The following GATA4 variants were observed in gnomAD, a reference collection of about 807,000 sequenced individuals.
GATA4 encodes the protein transcription factor GATA-4.
GATA4 carries 7 observed loss-of-function variants against 37.9 expected under a neutral mutation model. The observed-to-expected ratio is 0.18, with a 90% CI of 0.11 to 0.35. GATA4 has a LOEUF of 0.35. Ranked by LOEUF, GATA4 falls within the 10% of genes least tolerant of loss-of-function variation. The pLI, the probability that GATA4 is intolerant of heterozygous loss-of-function variation, is 1.00. For missense variants in GATA4, 647 were observed against 653.0 expected, an observed-to-expected ratio of 0.99 and a Z score of 0.10; for synonymous variants, 372 against 292.6, an observed-to-expected ratio of 1.27 and a Z score of -2.77.
intron 2 of GATA4, among the ~76,000 whole-genome samples, chr8:11,724,709 T>C (rs1452795059): frequency 6.7e-6 from 1 of 148,892 alleles, no homozygotes; most frequent in Non-Finnish European, 1.5e-5. Flanking sequence ...TAGGGACACA[T>C]GCACAAAGAA....
At chr8:11,725,687 C>T (rs528235101) in intron 2 of GATA4, among the ~76,000 whole-genome samples, 4 of 152,344 alleles carry the variant, frequency 2.6e-5, no homozygotes, top group African/African-American at 9.6e-5. Context: ...GCCTGCCTGT[C>T]GTGGCAGGGA....
intron 1 of GATA4, among the ~76,000 whole-genome samples, chr8:11,686,506 A>G (rs1365928432): frequency 1.3e-5 from 2 of 152,158 alleles, no homozygotes; most frequent in Non-Finnish European, 2.9e-5. Context: ...AATTTTCTGA[A>G]GACTGGAGGC....
In GATA4 at chr8:11,733,918, G is replaced by A. The variant is rs536472529; in HGVS notation, c.617-14998G>A. ...ACACAGAGGCATTAAGAGCCATTAC[G>A]TGGTTCTGTCATTACTTTTTGCCCC... On this transcript the variant is annotated intron_variant, in intron 2 of 6. Coordinates refer to ENST00000532059, the MANE Select transcript of GATA4 (RefSeq NM_001308093.3). 5.9e-5 allele frequency among the ~76,000 whole-genome samples: 9 copies of A among 152,306 alleles called. 1 individual carries two copies. Among genetic ancestry groups the A allele is most frequent in the African/African-American group, 1.9e-4 (8 of 41,558 alleles).
upstream of GATA4, among the ~76,000 whole-genome samples, chr8:11,689,429 G>A (rs1799242843): frequency 6.6e-6 from 1 of 152,152 alleles, no homozygotes; most frequent in South Asian, 2.1e-4. Context: ...CAGGCATCCA[G>A]GACATTGGAT....
At chr8:11,753,886 C>T (rs948864849) in intron 4 of GATA4, among the ~76,000 whole-genome samples, 2 of 152,182 alleles carry the variant, frequency 1.3e-5, no homozygotes, top group Non-Finnish European at 2.9e-5. Context: ...AAAGATTTGG[C>T]TCAGCCTAAG....
upstream of GATA4, among the ~76,000 whole-genome samples, chr8:11,701,869 G>T (rs959222238): frequency 6.6e-6 from 1 of 152,034 alleles, no homozygotes; most frequent in African/African-American, 2.4e-5. Flanking sequence ...GGTGGTGGGA[G>T]GTGGTAGGGG....
At chr8:11,697,379 C>T (rs1799537565) in intron 1 of GATA4, among the ~76,000 whole-genome samples, 2 of 152,226 alleles carry the variant, frequency 1.3e-5, no homozygotes, top group African/African-American at 4.8e-5. Flanking sequence ...GACTATCTAG[C>T]TATTCCAAGC....
chr8:11,709,577 G>GGGGGGGC lies in GATA4; in HGVS notation c.616+655_616+656insCGGGGGG, dbSNP rs1554488910. ...GCGTGGGCGCATCATGCGGGCAGCGGGGGGGGGGGCGCACACGCCCGGTCA... is the reference window on the plus strand; with the variant it reads ...GCGTGGGCGCATCATGCGGGCAGCGGGGGGGGCGGGGGGGGGCGCACACGCCCGGTCA... On this transcript the variant is annotated intron_variant, in intron 2 of 6. Coordinates refer to ENST00000532059, the MANE Select transcript of GATA4 (RefSeq NM_001308093.3). This position sits in a 1 kb window ranked among gnomAD's most constrained non-coding sequence, Gnocchi z 4.3. Among the ~76,000 whole-genome samples the GGGGGGGC allele has an allele frequency of 2.2e-5, 3 of 136,380 alleles. No individual in the cohort carries two copies. Among genetic ancestry groups the GGGGGGGC allele is most frequent in the African/African-American group, 2.9e-5 (1 of 34,292 alleles). The allele number at this position is 136,380 out of a possible 152,430, so 89.5% of individuals were successfully genotyped here.
At chr8:11,733,868 G>A (rs62489347) in intron 2 of GATA4, among the ~76,000 whole-genome samples, 5,268 of 152,236 alleles carry the variant, frequency 0.035, 241 homozygotes, top group African/African-American at 0.11. Context: ...AAGAATATGT[G>A]ACTCGAAGTC....
chr8:11,756,886 C>G, intron 5 of GATA4, 49 bp from the exon 6 acceptor site: 3 of 1,613,766 alleles, frequency 1.9e-6, no homozygotes, highest in East Asian at 4.5e-5. Flanking sequence ...GCCGGCTGTT[C>G]GTTTGTCCCT....
chr8:11,730,426 G>A (rs1408860207), intron 2 of GATA4, among the ~76,000 whole-genome samples: 2 of 152,246 alleles, frequency 1.3e-5, no homozygotes, highest in East Asian at 1.9e-4. Flanking sequence ...AACAGTCACT[G>A]TCGGGGATGT....
Position 11,708,504 on chromosome 8 carries a change from A to C in GATA4, c.192A>C (p.Gly64=). 6.8e-7 allele frequency: 1 copy of C among 1,479,408 alleles called. No individual in the cohort carries two copies. The highest frequency in any genetic ancestry group is 8.9e-7 in the Non-Finnish European group (1 of 1,122,342). The allele number at this position is 1,479,408 out of a possible 1,614,324, so 91.6% of individuals were successfully genotyped here. The change falls in exon 2 of 7, where the codon GGA becomes GGC. Residue 64 remains glycine (G), a synonymous_variant. Transcript: ENST00000532059. The surrounding 1 kb of genome is among the most constrained non-coding windows in gnomAD (Gnocchi z 6.7). ...LQGGGAGSAS[G]GASGGSSGGA... ...GCGGAGGCGCGGGCTCTGCGTCCGG[A>C]GGCGCCTCGGGCGGCAGCTCCGGTG...
At chr8:11,723,119 G>A (rs1800750523) in intron 2 of GATA4, among the ~76,000 whole-genome samples, 1 of 152,096 alleles carries the variant, frequency 6.6e-6, no homozygotes. Context: ...GGCTGAGGCT[G>A]GAGGATCATT....
chr8:11,712,836 G>A (rs1189583713), intron 2 of GATA4, among the ~76,000 whole-genome samples: 1 of 152,072 alleles, frequency 6.6e-6, no homozygotes, highest in Non-Finnish European at 1.5e-5. Context: ...ACTCCTACCT[G>A]GAGAACAGAG....
upstream of GATA4, among the ~76,000 whole-genome samples, chr8:11,699,665 G>C (rs1315219546): frequency 6.6e-6 from 1 of 152,216 alleles, no homozygotes; most frequent in African/African-American, 2.4e-5. Context: ...CCCCTGCCTG[G>C]ACTTGCAGGC....
chr8:11,718,577 A>G (rs1372366924), intron 2 of GATA4, among the ~76,000 whole-genome samples: 1 of 152,200 alleles, frequency 6.6e-6, no homozygotes, highest in East Asian at 1.9e-4. Flanking sequence ...TTTGGTGGGA[A>G]TTTTGAATTT....
upstream of GATA4, among the ~76,000 whole-genome samples, chr8:11,691,329 C>T (rs1386724757): frequency 6.6e-6 from 1 of 152,166 alleles, no homozygotes; most frequent in Non-Finnish European, 1.5e-5. Flanking sequence ...GAGATAAGGC[C>T]TCACTCTGTT....
Position 11,709,334 on chromosome 8 carries a change from C to G in GATA4, c.616+406C>G, listed in dbSNP as rs1454238862. Among the ~76,000 whole-genome samples, 2 of 152,220 alleles carry G rather than the reference C, an allele frequency of 1.3e-5. No individual in the cohort carries two copies. Among genetic ancestry groups the G allele is most frequent in the Non-Finnish European group, 2.9e-5 (2 of 68,038 alleles). ...GCTGAGTTTCTGCGCCCCTTTCCTC[C>G]CCGCCCGCCCTCGGGCCTCCGCAGG... is the stretch of plus-strand genomic sequence containing the variant. On this transcript the variant is annotated intron_variant, in intron 2 of 6. Coordinates refer to ENST00000532059, the MANE Select transcript of GATA4 (RefSeq NM_001308093.3). The surrounding 1 kb of genome is among the most constrained non-coding windows in gnomAD (Gnocchi z 4.3).
intron 1 of GATA4, chr8:11,681,586 C>G (rs915554880): frequency 8.5e-5 from 39 of 458,142 alleles, no homozygotes; most frequent in Non-Finnish European, 8.9e-5. Flanking sequence ...CTCCACCCCA[C>G]TCGCTGTTCT....
Sources: gnomAD v4.1 joint callset for allele counts (sites outside exome capture counted in the v4.1 genomes callset) on GRCh38, gnomAD v4.1.1 for gene constraint, Gnocchi (gnomAD v3.1) non-coding constraint, MANE v1.5 for transcripts, NCBI Gene and HGNC (gene_info 2026-07-23, HGNC 2026-07-21) for gene names.